Variants in EPB41L2 observed in about 807,000 individuals in gnomAD.
EPB41L2 encodes the protein band 4.1-like protein 2.
In EPB41L2, 43 loss-of-function variants were observed where a neutral mutation model predicts 113.0. The observed-to-expected ratio is 0.38, with a 90% CI of 0.30 to 0.49. The LOEUF (loss-of-function observed/expected upper bound fraction) is 0.49. EPB41L2 is among the 20% of genes least tolerant of loss of function. The probability of loss-of-function intolerance (pLI) is 0.95; values close to 1 mark genes in which losing one functional copy is unlikely to be tolerated. For synonymous variants in EPB41L2, 442 were observed against 436.7 expected, an observed-to-expected ratio of 1.01 and a Z score of -0.15; for missense variants, 1,147 against 1,223.4, an observed-to-expected ratio of 0.94 and a Z score of 0.93.
chr6:130,918,787 A>T (rs900129529), intron 4 of EPB41L2, among the ~76,000 whole-genome samples: 1 of 152,184 alleles, frequency 6.6e-6, no homozygotes, highest in Non-Finnish European at 1.5e-5. Context: ...AAAATTTCCC[A>T]TAAGTACAGA....
At chr6:130,980,351 A>G (rs1457692820) in intron 1 of EPB41L2, among the ~76,000 whole-genome samples, 1 of 151,778 alleles carries the variant, frequency 6.6e-6, no homozygotes, top group Non-Finnish European at 1.5e-5. Flanking sequence ...TGGGAGAGAT[A>G]GAGAGGAGAG....
intron 1 of EPB41L2, among the ~76,000 whole-genome samples, chr6:131,039,024 A>G (rs1042861522): frequency 3.3e-5 from 5 of 151,896 alleles, no homozygotes; most frequent in African/African-American, 1.2e-4. Context: ...GCTTAGAAAC[A>G]TGATATAAGT....
At chr6:130,966,404 T>C (rs1418983214) in intron 1 of EPB41L2, among the ~76,000 whole-genome samples, 1 of 152,198 alleles carries the variant, frequency 6.6e-6, no homozygotes, top group African/African-American at 2.4e-5. Flanking sequence ...GTATAAGTGA[T>C]AGGTCACTTT....
chr6:131,005,067 C>T (rs968755951), intron 1 of EPB41L2, among the ~76,000 whole-genome samples: 1 of 152,064 alleles, frequency 6.6e-6, no homozygotes. Context: ...CACACTCAGA[C>T]GTCAATGCTA....
At chr6:131,062,050 T>TA (rs1798758035) in intron 1 of EPB41L2, among the ~76,000 whole-genome samples, 1 of 151,886 alleles carries the variant, frequency 6.6e-6, no homozygotes, top group Non-Finnish European at 1.5e-5. Flanking sequence ...CCAGGGATCT[T>TA]AAAATTAAGG....
intron 1 of EPB41L2, among the ~76,000 whole-genome samples, chr6:130,998,377 G>A (rs572186521): frequency 3.3e-5 from 5 of 152,290 alleles, no homozygotes; most frequent in South Asian, 2.1e-4. Context: ...AATTGGGGGT[G>A]TAGGGGAAAT....
At chr6:130,937,788 C>T (rs1809349081) in intron 3 of EPB41L2, among the ~76,000 whole-genome samples, 2 of 146,698 alleles carry the variant, frequency 1.4e-5, no homozygotes, top group African/African-American at 5.4e-5. Context: ...TGCCCTCCGG[C>T]CTGGGTGACA....
chr6:131,001,158 A>G (rs1030253912), intron 1 of EPB41L2, among the ~76,000 whole-genome samples: 2 of 151,664 alleles, frequency 1.3e-5, no homozygotes, highest in African/African-American at 2.4e-5. Context: ...CTATCACTCA[A>G]GTGTGCTTAG....
intron 1 of EPB41L2, among the ~76,000 whole-genome samples, chr6:131,030,813 C>T (rs529486243): frequency 7.9e-5 from 12 of 152,026 alleles, no homozygotes; most frequent in African/African-American, 2.4e-4. Context: ...GTGTGTCTCA[C>T]GCCTGTAATC....
At chr6:131,053,014 C>T (rs980326247) in intron 1 of EPB41L2, among the ~76,000 whole-genome samples, 11 of 151,866 alleles carry the variant, frequency 7.2e-5, no homozygotes, top group African/African-American at 1.9e-4. Flanking sequence ...TCCTTGTCTC[C>T]GCCTCCTGAG....
At chr6:130,900,865 T>C (rs1796089000) in intron 7 of EPB41L2, 97 bp downstream of exon 7, 2 of 1,417,094 alleles carry the variant, frequency 1.4e-6, no homozygotes, top group East Asian at 2.3e-5. Context: ...AAAAATTGGA[T>C]AATCCTGTAA....
chr6:131,007,706 A>G lies in EPB41L2; in HGVS notation c.-14-51207T>C, dbSNP rs544311909. ...TGAGGAATGTGTTGGGAACTGAAGT[A>G]AAGGTCACTGTTTCTATGCTTTAGC... On this transcript the variant is annotated intron_variant, in intron 1 of 19. Transcript: ENST00000337057. 1.7e-4 allele frequency among the ~76,000 whole-genome samples: 26 copies of G among 152,350 alleles called. No homozygotes were observed. The South Asian group carries it at 5.0e-3, about 29-fold the overall frequency.
chr6:131,028,214 A>T (rs1791300609), intron 1 of EPB41L2, among the ~76,000 whole-genome samples: 1 of 152,182 alleles, frequency 6.6e-6, no homozygotes, highest in Non-Finnish European at 1.5e-5. Flanking sequence ...AGTGGACAAA[A>T]TGATTATTAG....
intron 1 of EPB41L2, among the ~76,000 whole-genome samples, chr6:131,058,656 T>G (rs1261007028): frequency 2.6e-5 from 4 of 152,160 alleles, no homozygotes; most frequent in African/African-American, 9.7e-5. Flanking sequence ...TAATATTCCC[T>G]CTCTCATATG....
intron 3 of EPB41L2, among the ~76,000 whole-genome samples, chr6:130,944,351 A>C (rs1379095826): frequency 1.3e-5 from 2 of 152,222 alleles, no homozygotes; most frequent in African/African-American, 2.4e-5. Flanking sequence ...AATCAAAATT[A>C]CTTTCTATGA....
intron 1 of EPB41L2, among the ~76,000 whole-genome samples, chr6:130,994,932 C>T (rs1452949617): frequency 1.3e-5 from 2 of 152,146 alleles, no homozygotes; most frequent in Non-Finnish European, 1.5e-5. Context: ...GAAGCCCCCT[C>T]CCCGCTGAGT....
chr6:130,993,630 T>C (rs1442709250), intron 1 of EPB41L2, among the ~76,000 whole-genome samples: 1 of 152,188 alleles, frequency 6.6e-6, no homozygotes, highest in Non-Finnish European at 1.5e-5. Flanking sequence ...TCAGGGGGTA[T>C]GTGTCTTCCG....
At chr6:130,895,165 T>C (rs1196145527) in intron 8 of EPB41L2, 46 bp from the exon 9 acceptor site, 5 of 1,539,748 alleles carry the variant, frequency 3.2e-6, no homozygotes, top group Non-Finnish European at 4.4e-6. Flanking sequence ...CTGTGAAAGT[T>C]ACACAAATCA....
chr6:130,989,874 A>G (rs1781425914), intron 1 of EPB41L2, among the ~76,000 whole-genome samples: 1 of 152,234 alleles, frequency 6.6e-6, no homozygotes, highest in African/African-American at 2.4e-5. Flanking sequence ...TAAGAGAGCA[A>G]GGGAAAGCTA....
Sources: gnomAD v4.1 joint callset for allele counts (sites outside exome capture counted in the v4.1 genomes callset) on GRCh38, gnomAD v4.1.1 for gene constraint, MANE v1.5 for transcripts, NCBI Gene and HGNC (gene_info 2026-07-23, HGNC 2026-07-21) for gene names.